The following ARID1B variants were observed in gnomAD, a reference collection of about 807,000 sequenced individuals.
ARID1B encodes AT-rich interaction domain 1B.
Under a neutral mutation model 212.3 loss-of-function variants are expected in ARID1B, and 30 were observed. The observed-to-expected ratio is 0.14, with a 90% CI of 0.11 to 0.19. The LOEUF (loss-of-function observed/expected upper bound fraction) is 0.19, where lower values mean the gene tolerates loss of function less well. Ranked by LOEUF, ARID1B falls within the 10% of genes least tolerant of loss-of-function variation. The pLI, the probability that ARID1B is intolerant of heterozygous loss-of-function variation, is 1.00. For missense variants in ARID1B, 2,891 were observed against 3,204.0 expected, an observed-to-expected ratio of 0.90 and a Z score of 2.36; for synonymous variants, 1,402 against 1,301.7, an observed-to-expected ratio of 1.08 and a Z score of -1.66.
At chr6:157,117,765 T>C (rs1304938220) in intron 6 of ARID1B, among the ~76,000 whole-genome samples, 1 of 152,268 alleles carries the variant, frequency 6.6e-6, no homozygotes, top group African/African-American at 2.4e-5. Flanking sequence ...CAATAAATAC[T>C]GTATGTCATT....
At chr6:156,938,157 A>G (rs528213493) in intron 4 of ARID1B, 2 of 152,128 alleles carry the variant, frequency 1.3e-5, no homozygotes, top group South Asian at 4.2e-4. Context: ...ATGTGTAAAA[A>G]CTTTCTGTAT....
intron 3 of ARID1B, among the ~76,000 whole-genome samples, chr6:156,933,959 C>T (rs1480277339): frequency 1.3e-5 from 2 of 152,032 alleles, no homozygotes; most frequent in East Asian, 3.9e-4. Flanking sequence ...AGTTTCCTGG[C>T]TTAAGAAGCC....
chr6:156,809,337 C>T (rs1299634291), intron 1 of ARID1B, among the ~76,000 whole-genome samples: 3 of 152,134 alleles, frequency 2.0e-5, no homozygotes, highest in South Asian at 2.1e-4. Context: ...TGACATTTTA[C>T]GGATCCAGCA....
chr6:157,026,204 C>A (rs911290925), intron 4 of ARID1B, among the ~76,000 whole-genome samples: 1 of 152,320 alleles, frequency 6.6e-6, no homozygotes, highest in African/African-American at 2.4e-5. Flanking sequence ...TGAGCCACTG[C>A]GCCAGGCCTA....
chr6:156,953,270 C>T (rs1793717061), intron 4 of ARID1B, among the ~76,000 whole-genome samples: 1 of 152,228 alleles, frequency 6.6e-6, no homozygotes, highest in Non-Finnish European at 1.5e-5. Context: ...CACAGGGATC[C>T]ACTCAGCCCC....
At chr6:157,158,738 G>A (rs1790726808) in intron 8 of ARID1B, among the ~76,000 whole-genome samples, 1 of 152,182 alleles carries the variant, frequency 6.6e-6, no homozygotes, top group East Asian at 1.9e-4. Flanking sequence ...GACCTTGGAA[G>A]GGATGTCCTG....
In ARID1B at chr6:157,208,161, G is replaced by A. The variant is rs767184498; in HGVS notation, c.*270G>A. Reference sequence around the variant, plus strand: ...AAGTTGCTGTCTAGTGCATTCAAAGGTCACTTTTTGTTCTTCACAGATCTT... The same window carrying A: ...AAGTTGCTGTCTAGTGCATTCAAAGATCACTTTTTGTTCTTCACAGATCTT... On this transcript the variant is annotated 3_prime_UTR_variant, in exon 20 of 20. Transcript: ENST00000636930. 4 of 320,218 alleles carry A rather than the reference G, an allele frequency of 1.2e-5. No individual in the cohort carries two copies. The highest frequency in any genetic ancestry group is 2.2e-5 in the Non-Finnish European group (4 of 178,150). 19.8% of individuals were successfully genotyped at this position (320,218 alleles called of 1,614,324 possible).
chr6:157,039,882 TC>T (rs1781749796), intron 4 of ARID1B, among the ~76,000 whole-genome samples: 4 of 67,230 alleles, frequency 5.9e-5, no homozygotes, highest in Non-Finnish European at 1.2e-4. Context: ...CTTTCTTTTC[TC>T]TTCCTTCCTT....
rs1156869262 is a variant in ARID1B, at chr6:156,778,879, G to A, written c.1199G>A (p.Gly400Glu). Reference sequence around the variant, plus strand: ...GGCGGCGGCGGCGGCGGCGGAGGAGGAGGAGGCAGCGGAGGAGGAGGAGGA... The same window carrying A: ...GGCGGCGGCGGCGGCGGCGGAGGAGAAGGAGGCAGCGGAGGAGGAGGAGGA... The part of the protein sequence containing the change: ...GGGGGGGGGG[G>E]GGSGGGGGGG... The change falls in exon 1 of 20, where the codon GGA (glycine) becomes GAA (glutamate). Residue 400 changes from glycine (G) to glutamate (E), a missense_variant. By Grantham distance (98) the Gly-to-Glu change is moderately conservative (BLOSUM62 -2). Around this residue, in one of 7 missense-constraint regions of ARID1B, gnomAD observed 1,643 missense variants for 1,544.0 expected, o/e 1.06. Transcript: ENST00000636930. The A allele has an allele frequency of 2.9e-6, 4 of 1,403,212 alleles. No homozygotes were observed. Among genetic ancestry groups the A allele is most frequent in the Non-Finnish European group, 2.8e-6 (3 of 1,075,708 alleles). The allele number at this position is 1,403,212 out of a possible 1,614,324, so 86.9% of individuals were successfully genotyped here.
intron 7 of ARID1B, among the ~76,000 whole-genome samples, chr6:157,146,151 G>A (rs1789708100): frequency 6.6e-6 from 1 of 151,986 alleles, no homozygotes; most frequent in South Asian, 2.1e-4. Context: ...TTAAGCCGGT[G>A]TCCCCAGCCT....
At chr6:156,987,955 T>C (rs1190657169) in intron 4 of ARID1B, among the ~76,000 whole-genome samples, 2 of 152,138 alleles carry the variant, frequency 1.3e-5, no homozygotes, top group Admixed American at 1.3e-4. Context: ...CTATAGCAGA[T>C]AATAAGTGTG....
rs753101362 is a variant in ARID1B at position 157,206,665 on chromosome 6, C to T, written c.5893C>T (p.Pro1965Ser). Residue 1965 changes from proline to serine, a missense_variant, in exon 20 of 20, where the codon CCT becomes TCT. Pro to Ser is a moderately conservative substitution (Grantham distance 74). Around this residue, in one of 7 missense-constraint regions of ARID1B, gnomAD observed 332 missense variants for 369.2 expected, o/e 0.90. Coordinates refer to ENST00000636930, the MANE Select transcript of ARID1B (RefSeq NM_001374828.1). This position sits in a 1 kb window ranked among gnomAD's most constrained non-coding sequence, Gnocchi z 6.8. ...THFESKMEIP[P>S]RRRPPPPLSS... ...CTTTGAGAGCAAGATGGAAATTCCT[C>T]CTCGCAGGCGCCCACCTCCCCCCTT... The T allele has an allele frequency of 6.2e-7, 1 of 1,613,272 alleles. No homozygotes were observed. The highest frequency in any genetic ancestry group is 1.1e-5 in the South Asian group (1 of 91,042).
intron 4 of ARID1B, among the ~76,000 whole-genome samples, chr6:157,021,604 C>T (rs1438975256): frequency 6.6e-6 from 1 of 152,192 alleles, no homozygotes; most frequent in Non-Finnish European, 1.5e-5. Flanking sequence ...CAGGCTCGGA[C>T]TCCTCCGACG....
At chr6:156,821,621 G>GA (rs1361804369) in intron 1 of ARID1B, among the ~76,000 whole-genome samples, 1 of 152,180 alleles carries the variant, frequency 6.6e-6, no homozygotes, top group Non-Finnish European at 1.5e-5. Flanking sequence ...CTGAATCTTT[G>GA]AATCTTTGGT....
intron 1 of ARID1B, among the ~76,000 whole-genome samples, chr6:156,805,203 A>G (rs1329978833): frequency 6.6e-6 from 1 of 152,194 alleles, no homozygotes; most frequent in Non-Finnish European, 1.5e-5. Flanking sequence ...TCAGGGATGT[A>G]GTATTGGCTC....
At chr6:157,014,589 T>A (rs570634462) in intron 4 of ARID1B, among the ~76,000 whole-genome samples, 1 of 152,296 alleles carries the variant, frequency 6.6e-6, no homozygotes, top group Admixed American at 6.5e-5. Context: ...TATAAGCAGT[T>A]TTTTTCATCT....
At chr6:157,036,155 A>T (rs754878064) in intron 4 of ARID1B, among the ~76,000 whole-genome samples, 11 of 152,212 alleles carry the variant, frequency 7.2e-5, no homozygotes, top group Non-Finnish European at 1.6e-4. Flanking sequence ...TAAAAGCTTT[A>T]CACACGACAC....
At chr6:156,826,039 T>A (rs957765039) in intron 1 of ARID1B, among the ~76,000 whole-genome samples, 3 of 152,280 alleles carry the variant, frequency 2.0e-5, no homozygotes, top group Non-Finnish European at 4.4e-5. Context: ...ATCAGTATAT[T>A]GTTTGGGCAA....
At chr6:156,827,263 T>A (rs150845221) in intron 1 of ARID1B, among the ~76,000 whole-genome samples, 1 of 152,286 alleles carries the variant, frequency 6.6e-6, no homozygotes, top group Non-Finnish European at 1.5e-5. Flanking sequence ...CACTGAAGGC[T>A]CCCACTCCTG....
Sources: gnomAD v4.1 joint callset for allele counts (sites outside exome capture counted in the v4.1 genomes callset) on GRCh38, gnomAD v4.1.1 for gene constraint, gnomAD v4.1.1 regional missense constraint, Gnocchi (gnomAD v3.1) non-coding constraint, MANE v1.5 for transcripts, NCBI Gene and HGNC (gene_info 2026-07-23, HGNC 2026-07-21) for gene names.